The following MDGA1 variants were observed in gnomAD, a reference collection of about 807,000 sequenced individuals.
MDGA1 encodes the protein MAM domain containing glycosylphosphatidylinositol anchor 1.
In MDGA1, 54 loss-of-function variants were observed where a neutral mutation model predicts 101.5. The observed-to-expected ratio is 0.53, with a 90% CI of 0.43 to 0.67. The LOEUF is 0.67. Among genes scored for constraint, MDGA1 ranks in the 30% least tolerant of loss-of-function variants. The probability of loss-of-function intolerance (pLI) is 0.00; values close to 1 mark genes in which losing one functional copy is unlikely to be tolerated. For missense variants in MDGA1, 1,083 were observed against 1,323.8 expected (o/e 0.82, Z 2.82); for synonymous variants, 533 against 558.3 (o/e 0.95, Z 0.64).
chr6:37,696,889 G>A lies in MDGA1; in HGVS notation c.-78C>T, dbSNP rs1581640890. The stretch of plus-strand genomic sequence containing the variant: ...GGGGGCGCATTCGCCGGGGCCCCGC[G>A]ACGCCCCTATGTCCCCCCCTTTCCC... On this transcript the variant is annotated 5_prime_UTR_variant, in exon 1 of 17. Coordinates refer to ENST00000434837, the MANE Select transcript of MDGA1 (RefSeq NM_153487.4). This position sits in a 1 kb window ranked among gnomAD's most constrained non-coding sequence, Gnocchi z 5.6. 3 of 1,212,558 alleles carry A rather than the reference G, an allele frequency of 2.5e-6. No homozygotes were observed. The highest frequency in any genetic ancestry group is 3.6e-6 in the Non-Finnish European group (3 of 840,240). The allele number at this position is 1,212,558 out of a possible 1,614,324, so 75.1% of individuals were successfully genotyped here. A position where few individuals can be genotyped will look rare whatever the true frequency, so the allele number is the denominator to read the frequency against.
In MDGA1 at chr6:37,655,732, C is replaced by T. The variant is rs1480191109; in HGVS notation, c.547G>A (p.Gly183Arg). The change falls in exon 4 of 17, where the codon GGG becomes AGG. Residue 183 changes from glycine to arginine, a missense_variant. By Grantham distance (125) the Gly-to-Arg change is moderately radical (BLOSUM62 -2). Around this residue, in one of 3 missense-constraint regions of MDGA1, gnomAD observed 310 missense variants for 355.9 expected, o/e 0.87. Coordinates refer to ENST00000434837, the MANE Select transcript of MDGA1 (RefSeq NM_153487.4). The surrounding 1 kb of genome is among the most constrained non-coding windows in gnomAD (Gnocchi z 5.1). ...SDTLSHSQDN[G>R]VDIYEPLYTQ... ...TAGAGGGGCTCATAGATGTCAACCC[C>T]ATTGTCCTGGCTGTGGGATAGGGTA... 1.9e-5 allele frequency: 30 copies of T among 1,612,638 alleles called. No individual in the cohort carries two copies. The highest frequency in any genetic ancestry group is 2.5e-5 in the Non-Finnish European group (30 of 1,179,278).
chr6:37,648,404 G>T (rs1428654202), intron 9 of MDGA1: 3 of 156,374 alleles, frequency 1.9e-5, no homozygotes, highest in Admixed American at 6.4e-5. Context: ...GGCTTGAGGG[G>T]CTCTAACGCT....
At chr6:37,681,354 G>A (rs926059703) in intron 1 of MDGA1, among the ~76,000 whole-genome samples, 2 of 152,114 alleles carry the variant, frequency 1.3e-5, no homozygotes, top group African/African-American at 2.4e-5. Context: ...TAGGAAGGGT[G>A]GTGGGGGCCA....
At chr6:37,677,155 GA>G (rs1337576206) in intron 1 of MDGA1, among the ~76,000 whole-genome samples, 1 of 152,134 alleles carries the variant, frequency 6.6e-6, no homozygotes, top group Admixed American at 6.5e-5. Flanking sequence ...GTTCAAATTG[GA>G]AGTTAAAAAG....
In MDGA1 at chr6:37,638,832, C is replaced by T. The variant is rs1763997252; in HGVS notation, c.2537-165G>A. 7.1e-6 allele frequency: 6 copies of T among 845,698 alleles called. No individual in the cohort carries two copies. Among genetic ancestry groups the T allele is most frequent in the Non-Finnish European group, 1.1e-5 (6 of 556,680 alleles). The allele number at this position is 845,698 out of a possible 1,614,324, so 52.4% of individuals were successfully genotyped here. A position where few individuals can be genotyped will look rare whatever the true frequency, so the allele number is the denominator to read the frequency against. On this transcript the variant is annotated intron_variant, in intron 14 of 16. Coordinates refer to ENST00000434837, the MANE Select transcript of MDGA1 (RefSeq NM_153487.4). The surrounding 1 kb of genome is among the most constrained non-coding windows in gnomAD (Gnocchi z 4.8). ...GTGCAATGTCCCATTCCTGCAGGGA[C>T]ACCCTCAGTGTGGGAAAGAGAAGAC...
chr6:37,682,306 G>A (rs911529801), intron 1 of MDGA1, among the ~76,000 whole-genome samples: 2 of 152,174 alleles, frequency 1.3e-5, no homozygotes, highest in Middle Eastern at 3.2e-3. Context: ...CCAACATAGC[G>A]AAACCCGGTC....
intron 1 of MDGA1, among the ~76,000 whole-genome samples, chr6:37,689,646 T>C (rs1762268333): frequency 1.3e-5 from 2 of 152,218 alleles, no homozygotes; most frequent in Non-Finnish European, 1.5e-5. Context: ...CCAGGTTTCT[T>C]ATGCAGAGGT....
chr6:37,641,615 C>G (rs1337039474), intron 14 of MDGA1: 1 of 152,118 alleles, frequency 6.6e-6, no homozygotes, highest in Non-Finnish European at 1.5e-5. Context: ...TGAACTTTGT[C>G]ATAAGCATCA....
At chr6:37,680,951 A>G (rs9394449) in intron 1 of MDGA1, among the ~76,000 whole-genome samples, 128,009 of 151,798 alleles carry the variant, frequency 0.84, 54,282 homozygotes, top group African/African-American at 0.93. Context: ...GAAGGCTGGC[A>G]GACCTCCCTC....
At chr6:37,661,313 G>C (rs570141779) in intron 2 of MDGA1, among the ~76,000 whole-genome samples, 1 of 152,280 alleles carries the variant, frequency 6.6e-6, no homozygotes, top group East Asian at 1.9e-4. Flanking sequence ...TGTAGATTCT[G>C]TCTGCATTTC....
intron 1 of MDGA1, among the ~76,000 whole-genome samples, chr6:37,668,249 T>TAA (rs59059592): frequency 0.082 from 10,532 of 129,006 alleles, 636 homozygotes; most frequent in African/African-American, 0.18. Flanking sequence ...AGATTCTGTC[T>TAA]AAAAAAAAAA....
At chr6:37,695,946 AG>A (rs1467706449) in intron 1 of MDGA1, among the ~76,000 whole-genome samples, 1 of 152,118 alleles carries the variant, frequency 6.6e-6, no homozygotes, top group African/African-American at 2.4e-5. Flanking sequence ...ACAGGATGGA[AG>A]GGGGAAGGGG....
intron 1 of MDGA1, among the ~76,000 whole-genome samples, chr6:37,674,931 C>T (rs1364565530): frequency 1.3e-5 from 2 of 152,164 alleles, no homozygotes; most frequent in Non-Finnish European, 1.5e-5. Context: ...GTGGCAGGCG[C>T]CTGTAATCCC....
chr6:37,644,371 C>T (rs1267122062), intron 13 of MDGA1, 126 bp downstream of exon 13: 1 of 1,079,372 alleles, frequency 9.3e-7, no homozygotes, highest in African/African-American at 1.6e-5. Flanking sequence ...ACCAGAGCTC[C>T]CTGAGAACAG....
At chr6:37,673,886 GATC>G (rs775848551) in intron 1 of MDGA1, among the ~76,000 whole-genome samples, 4 of 152,082 alleles carry the variant, frequency 2.6e-5, no homozygotes, top group Non-Finnish European at 5.9e-5. Flanking sequence ...TTCTCTCTCC[GATC>G]ATTAGACTCA....
At position 37,696,818 on chromosome 6, in the gene MDGA1, G is replaced by C. The variant is rs1195679836; in HGVS notation, c.-7C>G. Reference sequence around the variant, plus strand: ...GAAGGCAGGTCACCTCCATCTTCACGGCCGGTGCTTCATCCCCGCGAGGCG... The same window carrying C: ...GAAGGCAGGTCACCTCCATCTTCACCGCCGGTGCTTCATCCCCGCGAGGCG... On this transcript the variant is annotated 5_prime_UTR_variant, in exon 1 of 17. Coordinates refer to ENST00000434837, the MANE Select transcript of MDGA1 (RefSeq NM_153487.4). This position sits in a 1 kb window ranked among gnomAD's most constrained non-coding sequence, Gnocchi z 5.6. 1 of 1,566,856 alleles carries C rather than the reference G, an allele frequency of 6.4e-7. No individual in the cohort carries two copies. The highest frequency in any genetic ancestry group is 1.2e-5 in the South Asian group (1 of 85,176).
chr6:37,642,628 TA>T (rs1291587562), intron 14 of MDGA1, among the ~76,000 whole-genome samples: 1 of 152,142 alleles, frequency 6.6e-6, no homozygotes, highest in Non-Finnish European at 1.5e-5. Context: ...ACCTTTCCTA[TA>T]AACAAGTAAA....
chr6:37,690,228 G>T (rs1762281081), intron 1 of MDGA1, among the ~76,000 whole-genome samples: 1 of 152,214 alleles, frequency 6.6e-6, no homozygotes, highest in Non-Finnish European at 1.5e-5. Flanking sequence ...CAACTGCAAA[G>T]CCTCCTGACA....
rs1235328492 is a variant in MDGA1 at position 37,655,942 on chromosome 6, G to C, written c.383-46C>G. 2 of 1,528,026 alleles carry C rather than the reference G, an allele frequency of 1.3e-6. No homozygotes were observed. Among genetic ancestry groups the C allele is most frequent in the African/African-American group, 2.7e-5 (2 of 72,934 alleles). 94.7% of individuals were successfully genotyped at this position (1,528,026 alleles called of 1,614,324 possible). A position where few individuals can be genotyped will look rare whatever the true frequency, so the allele number is the denominator to read the frequency against. ...TGGAGTCAGGACTGGGTGACCCCAA[G>C]GTTGGGGGGCTCAGGCTCCTGGCAG... On this transcript the variant is annotated intron_variant, in intron 3 of 16. Transcript: ENST00000434837. This position sits in a 1 kb window ranked among gnomAD's most constrained non-coding sequence, Gnocchi z 5.1.
Sources: allele counts gnomAD v4.1 joint callset (sites outside exome capture counted in the v4.1 genomes callset), GRCh38; gene constraint gnomAD v4.1.1; regional missense constraint gnomAD v4.1.1; non-coding constraint Gnocchi (gnomAD v3.1); transcripts MANE v1.5; gene names NCBI Gene and HGNC (gene_info 2026-07-23, HGNC 2026-07-21).